Variants in NRF1 observed in about 807,000 individuals in gnomAD.
NRF1 encodes the protein alpha palindromic-binding protein.
NRF1 carries 5 observed loss-of-function variants against 58.5 expected under a neutral mutation model. The ratio of observed to expected loss-of-function variants is 0.09; its 90% CI spans 0.04 to 0.18. The LOEUF is 0.18. Among genes scored for constraint, NRF1 ranks in the 10% least tolerant of loss-of-function variants. The pLI is 1.00. For missense variants in NRF1, 288 were observed against 657.7 expected (o/e 0.44, Z 6.15); for synonymous variants, 224 against 246.7 (o/e 0.91, Z 0.86).
chr7:129,667,001 T>G (rs1801937951), intron 2 of NRF1, among the ~76,000 whole-genome samples: 1 of 152,208 alleles, frequency 6.6e-6, no homozygotes, highest in Non-Finnish European at 1.5e-5. Flanking sequence ...AATTGTATAC[T>G]CTGTGATATG....
At chr7:129,683,928 T>C (rs550899597) in intron 4 of NRF1, among the ~76,000 whole-genome samples, 1 of 152,236 alleles carries the variant, frequency 6.6e-6, no homozygotes, top group African/African-American at 2.4e-5. Flanking sequence ...CCACCCCTCC[T>C]GGCTGGAAAT....
At position 129,657,123 on chromosome 7, in the gene NRF1, C is replaced by T. The variant is rs922708692; in HGVS notation, c.-6-223C>T. 5.9e-5 allele frequency among the ~76,000 whole-genome samples: 9 copies of T among 152,204 alleles called. No individual in the cohort carries two copies. In the East Asian group the frequency reaches 1.7e-3, roughly 29 times the overall value. ...GATCTGAGGTATAAAATTAGTACAGCGAATTTCCATCAAAATGGTTTCACG... is the reference window on the plus strand; with the variant it reads ...GATCTGAGGTATAAAATTAGTACAGTGAATTTCCATCAAAATGGTTTCACG... On this transcript the variant is annotated intron_variant, in intron 1 of 10. Transcript: ENST00000393232.
At position 129,748,788 on chromosome 7, in the gene NRF1, TAA is replaced by T. The variant is rs1804043296; in HGVS notation, c.1349-6228_1349-6227del. Among the ~76,000 whole-genome samples, 4 of 152,246 alleles carry T rather than the reference TAA, an allele frequency of 2.6e-5. No homozygotes were observed. In the South Asian group the frequency reaches 6.2e-4, roughly 24 times the overall value. Reference sequence around the variant, plus strand: ...TGAAAGAAGTTAGCCTTGGGAAAAATAAAGTCCCTCAAAATAACTAAATAAAT... The same window carrying T: ...TGAAAGAAGTTAGCCTTGGGAAAAATAGTCCCTCAAAATAACTAAATAAAT... On this transcript the variant is annotated intron_variant, in intron 10 of 10. Transcript: ENST00000393232.
At chr7:129,705,902 C>G (rs559635977) in intron 5 of NRF1, among the ~76,000 whole-genome samples, 1 of 152,066 alleles carries the variant, frequency 6.6e-6, no homozygotes, top group Admixed American at 6.6e-5. Context: ...GATCATGCCA[C>G]TGCACTCCAG....
At chr7:129,685,576 T>TGTGTGG (rs1172039295) in intron 4 of NRF1, among the ~76,000 whole-genome samples, 6 of 77,682 alleles carry the variant, frequency 7.7e-5, no homozygotes, top group African/African-American at 1.8e-4. Flanking sequence ...TGTGTGTGTG[T>TGTGTGG]GTGTGTGTGT....
chr7:129,656,022 T>G (rs1377022068), intron 1 of NRF1, among the ~76,000 whole-genome samples: 1 of 152,226 alleles, frequency 6.6e-6, no homozygotes, highest in African/African-American at 2.4e-5. Context: ...TCACTTGGGT[T>G]GCTTCCACAT....
chr7:129,754,483 AGT>A (rs1804203315), intron 10 of NRF1, among the ~76,000 whole-genome samples: 3 of 146,786 alleles, frequency 2.0e-5, no homozygotes, highest in East Asian at 2.0e-4. Flanking sequence ...AAAAAAAAAA[AGT>A]TAAAATGGAA....
At chr7:129,648,274 C>CTTTTTT (rs35513653) in intron 1 of NRF1, among the ~76,000 whole-genome samples, 3 of 97,044 alleles carry the variant, frequency 3.1e-5, no homozygotes, top group Non-Finnish European at 5.8e-5. Context: ...GCATTATTGA[C>CTTTTTT]TTTTTTTTTT....
intron 2 of NRF1, among the ~76,000 whole-genome samples, chr7:129,661,578 C>T (rs535647548): frequency 4.6e-5 from 7 of 150,788 alleles, no homozygotes; most frequent in Admixed American, 1.3e-4. Context: ...GTCTCTTTGC[C>T]GAAGCATAAC....
At chr7:129,637,825 A>G (rs1167085804) in intron 1 of NRF1, among the ~76,000 whole-genome samples, 1 of 151,732 alleles carries the variant, frequency 6.6e-6, no homozygotes, top group Non-Finnish European at 1.5e-5. Context: ...ACACAAATTC[A>G]TAAACTTTCT....
At chr7:129,699,950 CAACATAG>C (rs1802781942) in intron 5 of NRF1, among the ~76,000 whole-genome samples, 1 of 145,190 alleles carries the variant, frequency 6.9e-6, no homozygotes, top group African/African-American at 2.6e-5. Context: ...CCAGCCTGAC[CAACATAG>C]TGAAACCCCG....
At chr7:129,680,383 T>G (rs1456993893) in intron 4 of NRF1, among the ~76,000 whole-genome samples, 1 of 152,168 alleles carries the variant, frequency 6.6e-6, no homozygotes, top group Non-Finnish European at 1.5e-5. Context: ...GAAAACAATT[T>G]GTCAGTCTCT....
intron 5 of NRF1, among the ~76,000 whole-genome samples, chr7:129,698,010 G>A (rs1407714766): frequency 2.0e-5 from 3 of 152,108 alleles, no homozygotes; most frequent in South Asian, 2.1e-4. Flanking sequence ...AGGATTACAG[G>A]TGTGAGCCAC....
chr7:129,668,028 G>A (rs568478457), intron 2 of NRF1, among the ~76,000 whole-genome samples: 25 of 152,116 alleles, frequency 1.6e-4, no homozygotes, highest in Non-Finnish European at 3.1e-4. Context: ...TCCTTCCAAA[G>A]TGCTGGATTA....
At chr7:129,634,203 G>A (rs1457194246) in intron 1 of NRF1, among the ~76,000 whole-genome samples, 4 of 151,802 alleles carry the variant, frequency 2.6e-5, no homozygotes, top group African/African-American at 9.7e-5. Flanking sequence ...TGGTAGATTT[G>A]TTACAGTTGA....
intron 3 of NRF1, among the ~76,000 whole-genome samples, chr7:129,675,437 A>G (rs950147563): frequency 1.3e-5 from 2 of 152,198 alleles, no homozygotes; most frequent in Admixed American, 6.5e-5. Flanking sequence ...AAGGTTTTCA[A>G]TTTATTTTAC....
chr7:129,745,414 C>T lies in NRF1; in HGVS notation c.1349-9604C>T, dbSNP rs560602370. On this transcript the variant is annotated intron_variant, in intron 10 of 10. Transcript: ENST00000393232. ...GCCCGAGCTCCACCTACTGTCAGAT[C>T]ATCAGCGGCATCAGATTCTCATAGG... is the stretch of plus-strand genomic sequence containing the variant. Among the ~76,000 whole-genome samples, 24 of 152,194 alleles carry T rather than the reference C, an allele frequency of 1.6e-4. No homozygotes were observed. The South Asian group carries it at 4.8e-3, about 30-fold the overall frequency.
chr7:129,736,274 ATTTT>A (rs61690883), intron 10 of NRF1, among the ~76,000 whole-genome samples: 8 of 97,934 alleles, frequency 8.2e-5, no homozygotes, highest in East Asian at 3.1e-4. Flanking sequence ...GCTCAATAGA[ATTTT>A]TTTTTTTTTT....
intron 2 of NRF1, among the ~76,000 whole-genome samples, chr7:129,665,859 C>T (rs1254409796): frequency 1.3e-5 from 2 of 152,248 alleles, no homozygotes; most frequent in East Asian, 1.9e-4. Flanking sequence ...AGTGATCCTC[C>T]TGCCTTGGCC....
Sources: allele counts gnomAD v4.1 joint callset (sites outside exome capture counted in the v4.1 genomes callset), GRCh38; gene constraint gnomAD v4.1.1; transcripts MANE v1.5; gene names NCBI Gene and HGNC (gene_info 2026-07-23, HGNC 2026-07-21).